The following CPA6 variants were observed in gnomAD, a reference collection of about 807,000 sequenced individuals.
CPA6 encodes the protein carboxypeptidase A6, also known as carboxypeptidase B.
Under a neutral mutation model 63.3 loss-of-function variants are expected in CPA6, and 58 were observed. That is an observed-to-expected ratio of 0.92 (90% CI 0.74 to 1.14). The LOEUF (loss-of-function observed/expected upper bound fraction) is 1.14. CPA6 is among the 50% of genes most tolerant of loss of function. The probability of loss-of-function intolerance (pLI) is 0.00; values close to 1 mark genes in which losing one functional copy is unlikely to be tolerated. For synonymous variants in CPA6, 185 were observed against 179.0 expected (o/e 1.03, Z -0.27); for missense variants, 565 against 526.6 (o/e 1.07, Z -0.71).
intron 1 of CPA6, among the ~76,000 whole-genome samples, chr8:67,691,270 G>T (rs1816808290): frequency 6.6e-6 from 1 of 152,190 alleles, no homozygotes; most frequent in South Asian, 2.1e-4. Context: ...CTGTGATCGA[G>T]GTTGGTGGTG....
At chr8:67,424,193 C>T (rs1042860984) in intron 10 of CPA6, among the ~76,000 whole-genome samples, 4 of 152,144 alleles carry the variant, frequency 2.6e-5, no homozygotes, top group Non-Finnish European at 5.9e-5. Flanking sequence ...AGTGATTCTA[C>T]ATTATGGTGA....
chr8:67,694,624 T>C lies in CPA6; in HGVS notation c.116+51390A>G, dbSNP rs181576052. The stretch of plus-strand genomic sequence containing the variant: ...TGGTCTCCACTCCTGTTACACTGCC[T>C]TCTCTCTGCCAGCCCGCACCTATGG... On this transcript the variant is annotated intron_variant, in intron 1 of 10. Coordinates refer to ENST00000297770, the MANE Select transcript of CPA6 (RefSeq NM_020361.5). Among the ~76,000 whole-genome samples the C allele has an allele frequency of 2.3e-3, 353 of 152,356 alleles. 2 individuals are homozygous for C. The highest frequency in any genetic ancestry group is 4.2e-3 in the Non-Finnish European group (284 of 68,032).
At chr8:67,648,656 T>C (rs1223514550) in intron 1 of CPA6, among the ~76,000 whole-genome samples, 1 of 152,232 alleles carries the variant, frequency 6.6e-6, no homozygotes, top group Non-Finnish European at 1.5e-5. Context: ...GTTTTAACTC[T>C]ACCAGAGATT....
At chr8:67,642,063 T>C (rs1250152488) in intron 1 of CPA6, among the ~76,000 whole-genome samples, 1 of 152,222 alleles carries the variant, frequency 6.6e-6, no homozygotes, top group African/African-American at 2.4e-5. Flanking sequence ...GGCTCACACC[T>C]GTAATCCCAG....
chr8:67,693,107 A>G (rs1816846515), intron 1 of CPA6, among the ~76,000 whole-genome samples: 1 of 152,226 alleles, frequency 6.6e-6, no homozygotes, highest in Non-Finnish European at 1.5e-5. Context: ...GCAAATGTGA[A>G]AAGACTCATT....
chr8:67,444,093 G>A (rs909254409), intron 8 of CPA6, among the ~76,000 whole-genome samples: 1 of 150,970 alleles, frequency 6.6e-6, no homozygotes, highest in African/African-American at 2.4e-5. Flanking sequence ...CCGGGTTCAC[G>A]CCATTCTCCT....
At chr8:67,732,992 C>G (rs182887693) in intron 1 of CPA6, among the ~76,000 whole-genome samples, 11 of 151,754 alleles carry the variant, frequency 7.2e-5, no homozygotes, top group African/African-American at 2.7e-4. Flanking sequence ...GTCAGGAGAT[C>G]GAGACGATCC....
intron 2 of CPA6, among the ~76,000 whole-genome samples, chr8:67,533,837 C>G (rs879516836): frequency 6.6e-6 from 1 of 152,224 alleles, no homozygotes; most frequent in Non-Finnish European, 1.5e-5. Context: ...TACTCTGAAG[C>G]ACTGGCCCAG....
At chr8:67,619,075 C>T (rs1815021460) in intron 2 of CPA6, among the ~76,000 whole-genome samples, 1 of 152,210 alleles carries the variant, frequency 6.6e-6, no homozygotes, top group African/African-American at 2.4e-5. Flanking sequence ...CTTTGACAGT[C>T]TCTTCTCAGA....
chr8:67,549,922 A>G (rs564015460), intron 2 of CPA6, among the ~76,000 whole-genome samples: 8 of 152,292 alleles, frequency 5.3e-5, no homozygotes, highest in Admixed American at 5.2e-4. Context: ...TGTTGTGGCT[A>G]TTGTAAATAA....
intron 2 of CPA6, among the ~76,000 whole-genome samples, chr8:67,600,418 G>T (rs1226822838): frequency 6.6e-6 from 1 of 152,084 alleles, no homozygotes; most frequent in East Asian, 1.9e-4. Context: ...TTAGTTAGGA[G>T]AAATAGTTCA....
At chr8:67,644,493 G>T (rs1165072368) in intron 1 of CPA6, among the ~76,000 whole-genome samples, 1 of 152,152 alleles carries the variant, frequency 6.6e-6, no homozygotes, top group African/African-American at 2.4e-5. Flanking sequence ...AACCCCAAAA[G>T]CACAGTAACT....
In CPA6 at chr8:67,620,267, T is replaced by C. The variant is rs1815049385; in HGVS notation, c.192+3909A>G. On this transcript the variant is annotated intron_variant, in intron 2 of 10. Transcript: ENST00000297770. ...AGGAAACTTTTTGCTTTTAAAGTGC[T>C]CATCTGATTTAGGTCAGGTCTGCCC... Among the ~76,000 whole-genome samples the C allele has an allele frequency of 2.0e-5, 3 of 152,206 alleles. No individual in the cohort carries two copies. In the South Asian group the frequency reaches 6.2e-4, roughly 31 times the overall value.
At chr8:67,514,302 A>T (rs1340112696) in intron 3 of CPA6, among the ~76,000 whole-genome samples, 3 of 152,200 alleles carry the variant, frequency 2.0e-5, no homozygotes, top group Non-Finnish European at 4.4e-5. Flanking sequence ...TATTTACTTT[A>T]TAGAATAACC....
At chr8:67,459,765 T>C (rs6472307) in intron 8 of CPA6, among the ~76,000 whole-genome samples, 15,424 of 152,170 alleles carry the variant, frequency 0.1, 2,006 homozygotes, top group African/African-American at 0.3. Flanking sequence ...TTCCAACATT[T>C]CAGTGTAATG....
intron 1 of CPA6, among the ~76,000 whole-genome samples, chr8:67,682,734 C>T (rs1006102413): frequency 6.6e-5 from 10 of 152,198 alleles, no homozygotes; most frequent in South Asian, 2.1e-4. Flanking sequence ...CTGTTTTCTA[C>T]GGCTGCTTTT....
intron 1 of CPA6, among the ~76,000 whole-genome samples, chr8:67,724,908 TC>T (rs1817569037): frequency 6.6e-6 from 1 of 152,204 alleles, no homozygotes; most frequent in Admixed American, 6.5e-5. Context: ...CTTAGACTCA[TC>T]CCCCAATTTT....
intron 2 of CPA6, among the ~76,000 whole-genome samples, chr8:67,552,371 A>G (rs1812957548): frequency 6.6e-6 from 1 of 152,304 alleles, no homozygotes; most frequent in Non-Finnish European, 1.5e-5. Flanking sequence ...TTTTACCTTC[A>G]TGGCTTTTAG....
chr8:67,503,773 A>G (rs1468679217), intron 6 of CPA6, among the ~76,000 whole-genome samples: 1 of 152,106 alleles, frequency 6.6e-6, no homozygotes, highest in East Asian at 1.9e-4. Context: ...TCTGGGATAC[A>G]TGTCCTGAAT....
Sources: gnomAD v4.1 joint callset for allele counts (sites outside exome capture counted in the v4.1 genomes callset) on GRCh38, gnomAD v4.1.1 for gene constraint, MANE v1.5 for transcripts, NCBI Gene and HGNC (gene_info 2026-07-23, HGNC 2026-07-21) for gene names.